MTAP: variants seen among roughly 807,000 people sequenced by gnomAD.
MTAP encodes S-methyl-5'-thioadenosine phosphorylase.
Under a neutral mutation model 33.6 loss-of-function variants are expected in MTAP, and 33 were observed. The observed-to-expected ratio is 0.98, with a 90% CI of 0.74 to 1.31. The LOEUF (loss-of-function observed/expected upper bound fraction) is 1.31, where lower values mean the gene tolerates loss of function less well. Among genes scored for constraint, MTAP ranks in the 40% most tolerant of loss-of-function variants. The pLI is 0.00. For missense variants in MTAP, 367 were observed against 360.0 expected (o/e 1.02, Z -0.16); for synonymous variants, 148 against 125.7 (o/e 1.18, Z -1.19).
downstream of MTAP, among the ~76,000 whole-genome samples, chr9:21,938,752 C>G (rs1819086064): frequency 6.6e-6 from 1 of 152,170 alleles, no homozygotes; most frequent in South Asian, 2.1e-4. Flanking sequence ...AGTAGTTTTA[C>G]TCTGATACTT....
At chr9:21,861,754 C>T (rs1825757607) in intron 7 of MTAP, 1 of 572,452 alleles carries the variant, frequency 1.7e-6, no homozygotes, top group Non-Finnish European at 3.1e-6. Context: ...GCATTATTAA[C>T]CTCACTTTAC....
At position 21,865,478 on chromosome 9, in the gene MTAP, A is replaced by G. The variant is rs1825838697; in HGVS notation, c.*3464A>G. 1.0e-6 allele frequency: 1 copy of G among 985,398 alleles called. No individual in the cohort carries two copies. Among genetic ancestry groups the G allele is most frequent in the Admixed American group, 6.1e-5 (1 of 16,264 alleles). The allele number at this position is 985,398 out of a possible 1,614,324, so 61.0% of individuals were successfully genotyped here. A position where few individuals can be genotyped will look rare whatever the true frequency, so the allele number is the denominator to read the frequency against. On this transcript the variant is annotated 3_prime_UTR_variant, in exon 8 of 8. Coordinates refer to ENST00000644715, the MANE Select transcript of MTAP (RefSeq NM_002451.4). ...GTTTTGAAGATTGTTGCACCTTGGA[A>G]CTACCAGTGTGCACACAATCTGGCT...
In MTAP at chr9:21,862,283, T is replaced by C. The variant is rs749100975; in HGVS notation, c.*269T>C. On this transcript the variant is annotated 3_prime_UTR_variant, in exon 8 of 8. Transcript: ENST00000644715. ...AGGGGGAAAAAAAAACCCACCATTC[T>C]CTTCTCCCCCTATTAAATTTGCAAC... The C allele has an allele frequency of 4.2e-5, 27 of 644,362 alleles. No individual in the cohort carries two copies. The highest frequency in any genetic ancestry group is 5.4e-5 in the Non-Finnish European group (25 of 462,924). 39.9% of individuals were successfully genotyped at this position (644,362 alleles called of 1,614,324 possible).
intron 1 of MTAP, among the ~76,000 whole-genome samples, chr9:21,911,165 C>G (rs919579627): frequency 6.6e-6 from 1 of 152,104 alleles, no homozygotes; most frequent in African/African-American, 2.4e-5. Context: ...GACTTAGACT[C>G]CCACACAGTA....
At chr9:21,827,211 A>C (rs546693896) in intron 4 of MTAP, among the ~76,000 whole-genome samples, 1 of 152,126 alleles carries the variant, frequency 6.6e-6, no homozygotes, top group African/African-American at 2.4e-5. Flanking sequence ...AGAGTAGCGC[A>C]GAGTTAAATC....
chr9:21,808,553 C>T lies in MTAP; in HGVS notation c.33+5772C>T, dbSNP rs1763731647. 2.0e-5 allele frequency among the ~76,000 whole-genome samples: 3 copies of T among 150,144 alleles called. No individual in the cohort carries two copies. In the South Asian group the frequency reaches 6.3e-4, roughly 32 times the overall value. Reference sequence around the variant, plus strand: ...GCAGTGAGCTGAGATTTCACCACTGCACTCCAGCAGCCTGGGTGACAAAGT... The same window carrying T: ...GCAGTGAGCTGAGATTTCACCACTGTACTCCAGCAGCCTGGGTGACAAAGT... On this transcript the variant is annotated intron_variant, in intron 1 of 7. Transcript: ENST00000644715.
intron 1 of MTAP, among the ~76,000 whole-genome samples, chr9:21,873,610 GC>G (rs1214638550): frequency 1.3e-5 from 1 of 76,162 alleles, no homozygotes; most frequent in East Asian, 4.5e-4. Context: ...TTCCACCCCC[GC>G]CCCCCACCCC....
At position 21,815,445 on chromosome 9, in the gene MTAP, G is replaced by A. The variant is rs368005706; in HGVS notation, c.46G>A (p.Gly16Ser). ...TTTAVKIGII[G>S]GTGLDDPEIL... is the part of the protein sequence containing the mutation. ...TTTTCTCTCTTAGATTGGAATAATT[G>A]GTGGAACAGGCCTGGATGATCCAGA... The change falls in exon 2 of 8, where the codon GGT (glycine) becomes AGT (serine). Residue 16 changes from glycine to serine, a missense_variant. Coordinates refer to ENST00000644715, the MANE Select transcript of MTAP (RefSeq NM_002451.4). 1 of 1,598,648 alleles carries A rather than the reference G, an allele frequency of 6.3e-7. No individual in the cohort carries two copies. The highest frequency in any genetic ancestry group is 8.5e-7 in the Non-Finnish European group (1 of 1,171,020).
At chr9:21,923,029 C>CA (rs1361869131) in intron 1 of MTAP, among the ~76,000 whole-genome samples, 3 of 152,240 alleles carry the variant, frequency 2.0e-5, no homozygotes, top group African/African-American at 7.2e-5. Context: ...GTGCCCACCA[C>CA]ACTGTCTACC....
At chr9:21,913,717 G>C (rs1003480328) in intron 1 of MTAP, among the ~76,000 whole-genome samples, 42 of 152,100 alleles carry the variant, frequency 2.8e-4, no homozygotes, top group Non-Finnish European at 4.7e-4. Flanking sequence ...CATAGGCATG[G>C]GCAAGGACTT....
chr9:21,871,936 A>C (rs1389433802), downstream of MTAP, among the ~76,000 whole-genome samples: 2 of 152,220 alleles, frequency 1.3e-5, no homozygotes, highest in Non-Finnish European at 1.5e-5. Flanking sequence ...GTCTGATTTC[A>C]GTCTTATGTC....
In MTAP at chr9:21,913,634, G is replaced by A. The variant is rs887767000; in HGVS notation, c.148-17374G>A. Among the ~76,000 whole-genome samples the A allele has an allele frequency of 2.0e-5, 3 of 152,282 alleles. No individual in the cohort carries two copies. The South Asian group carries it at 6.2e-4, about 32-fold the overall frequency. On this transcript the variant is annotated intron_variant, in intron 1 of 1. Transcript: ENST00000577563. ...CCTTATACAAAAATTAATTCAGAATGGATTAAAGATTTAAATGTTAGACCT... is the reference window on the plus strand; with the variant it reads ...CCTTATACAAAAATTAATTCAGAATAGATTAAAGATTTAAATGTTAGACCT...
chr9:21,880,815 T>G (rs940963113), intron 1 of MTAP, among the ~76,000 whole-genome samples: 5 of 152,024 alleles, frequency 3.3e-5, no homozygotes, highest in Admixed American at 6.6e-5. Flanking sequence ...TTAATATTGT[T>G]AAGATGTCAG....
At position 21,863,439 on chromosome 9, in the gene MTAP, C is replaced by T. The variant is rs2118590283; in HGVS notation, c.*1425C>T. The T allele has an allele frequency of 1.6e-6, 1 of 623,428 alleles. No individual in the cohort carries two copies. The highest frequency in any genetic ancestry group is 2.0e-6 in the Non-Finnish European group (1 of 499,484). 38.6% of individuals were successfully genotyped at this position (623,428 alleles called of 1,614,324 possible). ...TGGCTAATGCGTTGAAACTCCGTCT[C>T]TACTAAAAATACAAAAAATTAGCTG... On this transcript the variant is annotated 3_prime_UTR_variant, in exon 8 of 8. Transcript: ENST00000644715.
intron 1 of MTAP, among the ~76,000 whole-genome samples, chr9:21,916,642 G>C (rs146447971): frequency 3.6e-4 from 55 of 151,318 alleles, no homozygotes; most frequent in African/African-American, 1.2e-3. Context: ...CACAAACACA[G>C]GAAAAAAAAA....
intron 1 of MTAP, among the ~76,000 whole-genome samples, chr9:21,897,737 C>G (rs1818320148): frequency 6.6e-6 from 1 of 152,108 alleles, no homozygotes; most frequent in South Asian, 2.1e-4. Flanking sequence ...AAAGAGGACA[C>G]AAACAAATAG....
Position 21,802,757 on chromosome 9 carries a change from T to C in MTAP, c.9T>C (p.Ser3=). The C allele has an allele frequency of 6.2e-7, 1 of 1,613,014 alleles. No individual in the cohort carries two copies. The highest frequency in any genetic ancestry group is 1.3e-5 in the African/African-American group (1 of 74,946). ...TCCTTTCCCGTGCAGACATGGCCTC[T>C]GGCACCACCACCACCGCCGTGAAGG... is the stretch of plus-strand genomic sequence containing the variant. MA[S]GTTTTAVKIG... is the part of the protein sequence containing the mutation. The change falls in exon 1 of 8, where the codon TCT becomes TCC. Residue 3 remains serine (S), a synonymous_variant. Transcript: ENST00000644715.
chr9:21,879,059 G>A (rs1035782488), intron 1 of MTAP, among the ~76,000 whole-genome samples: 1 of 152,130 alleles, frequency 6.6e-6, no homozygotes, highest in Non-Finnish European at 1.5e-5. Context: ...GTTCTGTAGA[G>A]GTCTATTAGA....
chr9:21,831,558 C>G (rs780138238), intron 4 of MTAP, among the ~76,000 whole-genome samples: 6 of 151,972 alleles, frequency 3.9e-5, no homozygotes, highest in Admixed American at 6.6e-5. Context: ...AACTCCTGGC[C>G]TCAAGCAGTC....
Sources: gnomAD v4.1 joint callset for allele counts (sites outside exome capture counted in the v4.1 genomes callset) on GRCh38, gnomAD v4.1.1 for gene constraint, MANE v1.5 for transcripts, NCBI Gene and HGNC (gene_info 2026-07-23, HGNC 2026-07-21) for gene names.